Variants in CDK14 observed in about 807,000 individuals in gnomAD.
CDK14 encodes cyclin-dependent kinase 14.
A neutral mutation model predicts 60.7 loss-of-function variants in CDK14; 34 were observed. That is an observed-to-expected ratio of 0.56 (90% confidence interval 0.43 to 0.75). The LOEUF (loss-of-function observed/expected upper bound fraction) is 0.75. CDK14 is among the 30% of genes least tolerant of loss of function. The pLI is 0.00. For missense variants in CDK14, 482 were observed against 564.1 expected (o/e 0.85, Z 1.47); for synonymous variants, 197 against 203.7 (o/e 0.97, Z 0.28).
chr7:90,718,694 G>A (rs1802336958), intron 2 of CDK14, among the ~76,000 whole-genome samples: 3 of 152,116 alleles, frequency 2.0e-5, no homozygotes, highest in Non-Finnish European at 4.4e-5. Flanking sequence ...GCTCTGTGTA[G>A]CCACTCTTAC....
chr7:91,141,830 T>C (rs891670965), intron 14 of CDK14, among the ~76,000 whole-genome samples: 7 of 143,354 alleles, frequency 4.9e-5, no homozygotes, highest in Non-Finnish European at 1.1e-4. Flanking sequence ...GTTGTTGCTG[T>C]TGTTCTTTTT....
chr7:90,709,711 T>C (rs1801991647), intron 2 of CDK14: 2 of 1,476,802 alleles, frequency 1.4e-6, no homozygotes, highest in Admixed American at 2.4e-5. Context: ...CTTTGAGTTC[T>C]TCTCAACAGT....
chr7:90,983,970 A>G (rs1795310914), intron 9 of CDK14, among the ~76,000 whole-genome samples, 178 bp from the exon 10 acceptor site: 1 of 152,192 alleles, frequency 6.6e-6, no homozygotes, highest in Non-Finnish European at 1.5e-5. Context: ...ATCACATAAT[A>G]TACCCATGTA....
intron 5 of CDK14, among the ~76,000 whole-genome samples, chr7:90,833,881 A>G (rs1409450751): frequency 1.3e-5 from 2 of 152,190 alleles, no homozygotes; most frequent in Non-Finnish European, 2.9e-5. Flanking sequence ...CATACCTTTT[A>G]TAAATTGGCT....
chr7:91,084,034 C>A (rs1369654484), intron 12 of CDK14, among the ~76,000 whole-genome samples: 2 of 152,160 alleles, frequency 1.3e-5, no homozygotes, highest in Admixed American at 1.3e-4. Context: ...CCCACATATG[C>A]TTATGGCAGT....
chr7:90,917,444 A>G (rs1358072739), intron 7 of CDK14, among the ~76,000 whole-genome samples, 157 bp from the exon 8 acceptor site: 1 of 152,262 alleles, frequency 6.6e-6, no homozygotes, highest in Non-Finnish European at 1.5e-5. Flanking sequence ...AGGAATTTAC[A>G]TACTAAAATC....
At position 90,984,255 on chromosome 7, in the gene CDK14, A is replaced by G. The variant is rs757628532; in HGVS notation, c.1041+14A>G. ...CGAATATTTCTGGTAAGTCCTTTACAGAGTATTTCTAAGAAAAATTGGTTT... is the reference window on the plus strand; with the variant it reads ...CGAATATTTCTGGTAAGTCCTTTACGGAGTATTTCTAAGAAAAATTGGTTT... On this transcript the variant is annotated intron_variant, in intron 10 of 14. Coordinates refer to ENST00000380050, the MANE Select transcript of CDK14 (RefSeq NM_001287135.2). 5.2e-6 allele frequency: 8 copies of G among 1,548,080 alleles called. No individual in the cohort carries two copies. In the East Asian group the frequency reaches 1.3e-4, roughly 26 times the overall value.
chr7:91,159,952 T>C (rs1002119688), intron 14 of CDK14, among the ~76,000 whole-genome samples: 10 of 152,184 alleles, frequency 6.6e-5, no homozygotes, highest in Non-Finnish European at 1.2e-4. Context: ...CTTAACAATA[T>C]ACTACCTTTT....
chr7:91,197,940 C>A (rs535340081), intron 14 of CDK14, among the ~76,000 whole-genome samples: 8 of 152,282 alleles, frequency 5.3e-5, no homozygotes, highest in Non-Finnish European at 1.0e-4. Context: ...GTGATTTGTC[C>A]TTGGTCGATC....
chr7:90,785,655 T>G (rs1805544673), intron 4 of CDK14, among the ~76,000 whole-genome samples: 1 of 151,670 alleles, frequency 6.6e-6, no homozygotes, highest in Non-Finnish European at 1.5e-5. Context: ...GGCGTGGTGG[T>G]GGGCGCCTGT....
At chr7:91,105,433 A>T (rs576104416) in intron 12 of CDK14, among the ~76,000 whole-genome samples, 1 of 152,214 alleles carries the variant, frequency 6.6e-6, no homozygotes, top group African/African-American at 2.4e-5. Context: ...TTCACTATGG[A>T]TGGGGATGTA....
chr7:90,826,040 C>T (rs1030377525), intron 5 of CDK14, among the ~76,000 whole-genome samples: 3 of 152,074 alleles, frequency 2.0e-5, no homozygotes, highest in Non-Finnish European at 4.4e-5. Context: ...AGTAAGAATG[C>T]CAATTAATTC....
At chr7:91,110,667 C>T (rs1456353913) in intron 12 of CDK14, among the ~76,000 whole-genome samples, 3 of 152,020 alleles carry the variant, frequency 2.0e-5, no homozygotes, top group South Asian at 2.1e-4. Context: ...ACAGTTTGGG[C>T]GATTAATAAT....
At chr7:90,957,829 C>T (rs1257859991) in intron 9 of CDK14, among the ~76,000 whole-genome samples, 1 of 151,942 alleles carries the variant, frequency 6.6e-6, no homozygotes, top group South Asian at 2.1e-4. Flanking sequence ...CAATGACTTT[C>T]TTCACAGAAT....
intron 8 of CDK14, among the ~76,000 whole-genome samples, chr7:90,927,823 C>T (rs1372391864): frequency 6.6e-6 from 1 of 152,162 alleles, no homozygotes; most frequent in Non-Finnish European, 1.5e-5. Context: ...AACTTGGTTC[C>T]ATTCCCCCCG....
At chr7:90,747,898 C>CTTTTTTTT (rs11290265) in intron 4 of CDK14, 123 bp downstream of exon 4, 1 of 175,984 alleles carries the variant, frequency 5.7e-6, no homozygotes, top group African/African-American at 3.3e-5. Context: ...TCACGGTATC[C>CTTTTTTTT]TTTTTTTTTT....
Position 90,639,717 on chromosome 7 carries a change from C to T in CDK14, c.123+35468C>T, listed in dbSNP as rs529080000. ...TTTTTGTTTGTCTGTGCCCTGCCCC[C>T]AGAGGTGGAGCCTACAGAGGCAGGC... On this transcript the variant is annotated intron_variant, in intron 2 of 14. Coordinates refer to ENST00000380050, the MANE Select transcript of CDK14 (RefSeq NM_001287135.2). 1.0e-4 allele frequency among the ~76,000 whole-genome samples: 15 copies of T among 149,226 alleles called. No individual in the cohort carries two copies. In the South Asian group the frequency reaches 3.0e-3, roughly 30 times the overall value.
intron 14 of CDK14, among the ~76,000 whole-genome samples, chr7:91,135,696 T>A (rs1228678161): frequency 6.6e-6 from 1 of 152,162 alleles, no homozygotes; most frequent in East Asian, 1.9e-4. Flanking sequence ...CTAGCAAAGT[T>A]ACGTTCTTGA....
intron 10 of CDK14, among the ~76,000 whole-genome samples, chr7:91,040,195 G>A (rs529904996): frequency 1.9e-4 from 29 of 152,262 alleles, no homozygotes; most frequent in African/African-American, 5.8e-4. Context: ...TACTGTCGGG[G>A]GCAGTGCAAG....
Sources: allele counts gnomAD v4.1 joint callset (sites outside exome capture counted in the v4.1 genomes callset), GRCh38; gene constraint gnomAD v4.1.1; transcripts MANE v1.5; gene names NCBI Gene and HGNC (gene_info 2026-07-23, HGNC 2026-07-21).